WIPF2: variants seen among roughly 807,000 people sequenced by gnomAD.
WIPF2 encodes WAS/WASL-interacting protein family member 2.
WIPF2 carries 23 observed loss-of-function variants against 38.8 expected under a neutral mutation model. That is an observed-to-expected ratio of 0.59 (90% CI 0.43 to 0.84). The LOEUF is 0.84. WIPF2 is among the 40% of genes least tolerant of loss of function. WIPF2 has a pLI of 0.00. For synonymous variants in WIPF2, 210 were observed against 223.2 expected (o/e 0.94, Z 0.53); for missense variants, 574 against 580.5 (o/e 0.99, Z 0.11).
chr17:40,234,444 C>CA (rs2030876445), intron 1 of WIPF2, among the ~76,000 whole-genome samples: 1 of 150,782 alleles, frequency 6.6e-6, no homozygotes, highest in African/African-American at 2.5e-5. Flanking sequence ...AACAAACAAA[C>CA]AAACAAACAA....
chr17:40,219,601 G>T (rs1215484280), intron 1 of WIPF2, 109 bp downstream of exon 1: 1 of 139,990 alleles, frequency 7.1e-6, no homozygotes, highest in Non-Finnish European at 1.5e-5. Context: ...GAGAAGAGAG[G>T]GGGGCATTAG....
chr17:40,273,629 T>A, intron 5 of WIPF2, 161 bp from the exon 6 acceptor site: 1 of 582,596 alleles, frequency 1.7e-6, no homozygotes, highest in East Asian at 3.2e-5. Flanking sequence ...AATGTTGGTA[T>A]CTGGAAGAAT....
intron 1 of WIPF2, among the ~76,000 whole-genome samples, chr17:40,228,378 C>A (rs1036964489): frequency 1.3e-5 from 2 of 152,106 alleles, no homozygotes; most frequent in African/African-American, 2.4e-5. Flanking sequence ...ACCTACCTTA[C>A]ACTGATAGAC....
At chr17:40,237,597 ACT>A (rs1441165632) in intron 1 of WIPF2, among the ~76,000 whole-genome samples, 1 of 141,486 alleles carries the variant, frequency 7.1e-6, no homozygotes, top group Non-Finnish European at 1.6e-5. Context: ...TGTTCTTCCG[ACT>A]CTCTGTTGTC....
chr17:40,240,360 A>T (rs1043977592), intron 1 of WIPF2, among the ~76,000 whole-genome samples: 28 of 152,124 alleles, frequency 1.8e-4, no homozygotes, highest in Middle Eastern at 3.4e-3. Context: ...CCACCGTGCC[A>T]GTCCCAGACT....
At chr17:40,257,491 A>G (rs1158033574) in intron 2 of WIPF2, among the ~76,000 whole-genome samples, 1 of 151,778 alleles carries the variant, frequency 6.6e-6, no homozygotes, top group African/African-American at 2.4e-5. Flanking sequence ...CCATACCTAG[A>G]TTGTGATACC....
At chr17:40,254,136 C>T (rs939531215) in intron 1 of WIPF2, among the ~76,000 whole-genome samples, 2 of 151,846 alleles carry the variant, frequency 1.3e-5, no homozygotes, top group Non-Finnish European at 2.9e-5. Context: ...GCTGCCTGAG[C>T]CTTCCAAGTA....
At chr17:40,258,540 G>A (rs1166298525) in intron 2 of WIPF2, among the ~76,000 whole-genome samples, 2 of 152,012 alleles carry the variant, frequency 1.3e-5, no homozygotes, top group African/African-American at 2.4e-5. Flanking sequence ...GCAGTGAGCC[G>A]AGATCGCGCC....
At chr17:40,274,028 G>T (rs112927948) in intron 6 of WIPF2, 29 bp downstream of exon 6, 22,728 of 1,496,302 alleles carry the variant, frequency 0.015, 230 homozygotes, top group Non-Finnish European at 0.017. Context: ...GTAGTCTCAT[G>T]GTTCCTGCGG....
chr17:40,282,150 A>G lies in WIPF2; in HGVS notation c.*3925A>G, dbSNP rs939918245. 1 of 150,550 alleles carries G rather than the reference A, an allele frequency of 6.6e-6. No homozygotes were observed. Among genetic ancestry groups the G allele is most frequent in the Non-Finnish European group, 1.5e-5 (1 of 67,824 alleles). 9.3% of individuals were successfully genotyped at this position (150,550 alleles called of 1,614,324 possible). ...AAAAAAAAAAGGATAACTTTAACCGAAGGAAGGGTTTGGTTCCATTCAACT... is the reference window on the plus strand; with the variant it reads ...AAAAAAAAAAGGATAACTTTAACCGGAGGAAGGGTTTGGTTCCATTCAACT... On this transcript the variant is annotated 3_prime_UTR_variant, in exon 8 of 8. Transcript: ENST00000323571.
chr17:40,257,988 A>C (rs1031118975), intron 2 of WIPF2, among the ~76,000 whole-genome samples: 1 of 152,130 alleles, frequency 6.6e-6, no homozygotes, highest in Admixed American at 6.6e-5. Context: ...GTTCAGGTCT[A>C]CCCACTTCTG....
intron 5 of WIPF2, among the ~76,000 whole-genome samples, chr17:40,265,387 C>A (rs1162374817): frequency 1.3e-5 from 2 of 152,046 alleles, no homozygotes; most frequent in Non-Finnish European, 2.9e-5. Context: ...AATTACAAAG[C>A]AGAGGAGAGG....
intron 1 of WIPF2, among the ~76,000 whole-genome samples, chr17:40,247,656 G>A (rs575988577): frequency 6.6e-6 from 1 of 151,748 alleles, no homozygotes; most frequent in South Asian, 2.1e-4. Flanking sequence ...CGAGTAGCTG[G>A]AGTTACAGGC....
intron 1 of WIPF2, among the ~76,000 whole-genome samples, chr17:40,239,402 C>CT (rs1248013434): frequency 6.6e-6 from 1 of 152,024 alleles, no homozygotes; most frequent in African/African-American, 2.4e-5. Flanking sequence ...GAATGTGACA[C>CT]TAAGAAGCTC....
chr17:40,273,683 T>C (rs920647806), intron 5 of WIPF2, 107 bp from the exon 6 acceptor site: 12 of 708,514 alleles, frequency 1.7e-5, no homozygotes, highest in Non-Finnish European at 2.8e-5. Context: ...AACCAGGCAC[T>C]GTGAGCCTCT....
rs559128008 is a variant in WIPF2 at position 40,257,017 on chromosome 17, C to T, written c.63+495C>T. On this transcript the variant is annotated intron_variant, in intron 2 of 7. Coordinates refer to ENST00000323571, the MANE Select transcript of WIPF2 (RefSeq NM_133264.5). ...TTTTTGAAACGGAATCTCACTCTGT[C>T]GCCCAGGCTGGAGTGCAGTGGCACG... is the stretch of plus-strand genomic sequence containing the variant. Among the ~76,000 whole-genome samples, 11 of 151,974 alleles carry T rather than the reference C, an allele frequency of 7.2e-5. No individual in the cohort carries two copies. The East Asian group carries it at 1.4e-3, about 19-fold the overall frequency.
At chr17:40,250,834 A>G (rs1045895542) in intron 1 of WIPF2, among the ~76,000 whole-genome samples, 2 of 150,634 alleles carry the variant, frequency 1.3e-5, no homozygotes, top group African/African-American at 2.4e-5. Context: ...CGGGAGGCTG[A>G]GGCAGAAGGA....
At chr17:40,262,083 T>G (rs1365460165) in intron 3 of WIPF2, among the ~76,000 whole-genome samples, 4 of 149,890 alleles carry the variant, frequency 2.7e-5, no homozygotes, top group African/African-American at 7.4e-5. Flanking sequence ...TTCTCTTTTT[T>G]TTTTTTTTTT....
intron 1 of WIPF2, among the ~76,000 whole-genome samples, chr17:40,228,974 G>C (rs1290594919): frequency 1.3e-5 from 2 of 151,656 alleles, no homozygotes; most frequent in Non-Finnish European, 1.5e-5. Flanking sequence ...TCCCATCTTG[G>C]CTCACTGCGA....
Sources: gnomAD v4.1 joint callset for allele counts (sites outside exome capture counted in the v4.1 genomes callset) on GRCh38, gnomAD v4.1.1 for gene constraint, MANE v1.5 for transcripts, NCBI Gene and HGNC (gene_info 2026-07-23, HGNC 2026-07-21) for gene names.